The following DSCAM variants were observed in gnomAD, a reference collection of about 807,000 sequenced individuals.
The protein encoded by DSCAM is cell adhesion molecule DSCAM.
In DSCAM, 47 loss-of-function variants were observed where a neutral mutation model predicts 217.7. The ratio of observed to expected loss-of-function variants is 0.22; its 90% confidence interval spans 0.17 to 0.28. The LOEUF (loss-of-function observed/expected upper bound fraction) is 0.28, where lower values mean the gene tolerates loss of function less well. DSCAM is among the 10% of genes least tolerant of loss of function. The pLI, the probability that DSCAM is intolerant of heterozygous loss-of-function variation, is 1.00. For synonymous variants in DSCAM, 1,056 were observed against 1,015.3 expected (o/e 1.04, Z -0.76); for missense variants, 2,080 against 2,618.3 (o/e 0.79, Z 4.49).
At chr21:40,471,842 G>A (rs868832023) in intron 3 of DSCAM, among the ~76,000 whole-genome samples, 34 of 152,002 alleles carry the variant, frequency 2.2e-4, no homozygotes, top group Non-Finnish European at 1.5e-4. Context: ...TGTGCACAAT[G>A]TGCAGGTTTG....
intron 3 of DSCAM, among the ~76,000 whole-genome samples, chr21:40,526,935 A>C (rs2076405294): frequency 6.6e-6 from 1 of 152,136 alleles, no homozygotes; most frequent in Non-Finnish European, 1.5e-5. Flanking sequence ...CAGGAGGTCA[A>C]GGTGCTTCCC....
At chr21:40,282,457 A>G (rs780830727) in intron 10 of DSCAM, among the ~76,000 whole-genome samples, 8 of 151,446 alleles carry the variant, frequency 5.3e-5, no homozygotes, top group African/African-American at 1.5e-4. Flanking sequence ...CGGGCGTGGT[A>G]GCGGGCGCCT....
chr21:40,017,708 C>A (rs368834916), intron 32 of DSCAM, among the ~76,000 whole-genome samples: 1 of 152,088 alleles, frequency 6.6e-6, no homozygotes, highest in Admixed American at 6.5e-5. Context: ...TGCACCACCA[C>A]GCCTGGCTAA....
intron 7 of DSCAM, 70 bp from the exon 8 acceptor site, chr21:40,338,446 T>A: frequency 6.8e-7 from 1 of 1,462,302 alleles, no homozygotes; most frequent in Non-Finnish European, 9.2e-7. Context: ...TGGGTACACT[T>A]TTCCTTGAGT....
rs57723167 is a variant in DSCAM at position 40,510,395 on chromosome 21, A to G, written c.509-141150T>C. 2.3e-3 allele frequency among the ~76,000 whole-genome samples: 355 copies of G among 152,348 alleles called. 3 individuals carry two copies. The highest frequency in any genetic ancestry group is 8.2e-3 in the African/African-American group (340 of 41,572). On this transcript the variant is annotated intron_variant, in intron 3 of 32. Transcript: ENST00000400454. The stretch of plus-strand genomic sequence containing the variant: ...CACCTTTTAGGAATTAATATACATC[A>G]ATTTTTAAATAATAAGTTGCTCAAA...
intron 1 of DSCAM, among the ~76,000 whole-genome samples, chr21:40,797,051 T>C (rs34770583): frequency 0.088 from 13,323 of 152,256 alleles, 696 homozygotes; most frequent in African/African-American, 0.15. Context: ...CTAGTCACGC[T>C]GACCTCTTGT....
chr21:40,356,931 T>C (rs927080841), intron 4 of DSCAM, among the ~76,000 whole-genome samples: 19 of 152,230 alleles, frequency 1.2e-4, no homozygotes, highest in African/African-American at 4.6e-4. Flanking sequence ...TGGCTTTCTA[T>C]TTCTTTTGTG....
chr21:40,496,649 G>A (rs2076120793), intron 3 of DSCAM, among the ~76,000 whole-genome samples: 1 of 152,000 alleles, frequency 6.6e-6, no homozygotes. Flanking sequence ...AGACAACTAG[G>A]ATTATATCAA....
intron 1 of DSCAM, among the ~76,000 whole-genome samples, chr21:40,750,398 T>C (rs958156597): frequency 2.6e-5 from 4 of 152,240 alleles, no homozygotes; most frequent in Non-Finnish European, 4.4e-5. Context: ...AGGAATTTTC[T>C]TGCTGCTTTT....
chr21:40,670,323 G>C (rs940263146), intron 3 of DSCAM, among the ~76,000 whole-genome samples: 1 of 151,944 alleles, frequency 6.6e-6, no homozygotes, highest in Non-Finnish European at 1.5e-5. Context: ...CTGTAAATTT[G>C]ACTGCTTATC....
At chr21:40,530,854 G>A (rs73364929) in intron 3 of DSCAM, among the ~76,000 whole-genome samples, 11,250 of 150,454 alleles carry the variant, frequency 0.075, 681 homozygotes, top group African/African-American at 0.17. Context: ...ATGCCTCTTT[G>A]CCATAACATC....
At chr21:40,451,421 A>G (rs182479007) in intron 3 of DSCAM, among the ~76,000 whole-genome samples, 1 of 152,296 alleles carries the variant, frequency 6.6e-6, no homozygotes, top group Non-Finnish European at 1.5e-5. Context: ...TTGGGGTAGT[A>G]AAGAAATTTC....
At chr21:40,033,641 A>G (rs964007886) in intron 32 of DSCAM, among the ~76,000 whole-genome samples, 1 of 151,814 alleles carries the variant, frequency 6.6e-6, no homozygotes, top group Non-Finnish European at 1.5e-5. Flanking sequence ...TAAACAAAGC[A>G]GCCAGGAAGC....
At chr21:40,607,480 T>C (rs750515626) in intron 3 of DSCAM, among the ~76,000 whole-genome samples, 8 of 151,920 alleles carry the variant, frequency 5.3e-5, no homozygotes, top group South Asian at 2.1e-4. Flanking sequence ...ATTCTTTCTT[T>C]AGGGGAAAAA....
At chr21:40,061,691 G>A (rs1028697685) in intron 28 of DSCAM, among the ~76,000 whole-genome samples, 38 of 152,134 alleles carry the variant, frequency 2.5e-4, no homozygotes, top group African/African-American at 7.7e-4. Flanking sequence ...GAATCTGTGT[G>A]CCAATGGCAT....
At position 40,453,038 on chromosome 21, in the gene DSCAM, CTTTGTG is replaced by C. The variant is rs904484467; in HGVS notation, c.509-83799_509-83794del. On this transcript the variant is annotated intron_variant, in intron 3 of 32. Transcript: ENST00000400454. ...CTCTCTGGTTCCTGAATTTTAAAGACTTTGTGTGTGTGTGTGTGTGTGTGTGTGTGT... is the reference window on the plus strand; with the variant it reads ...CTCTCTGGTTCCTGAATTTTAAAGACTGTGTGTGTGTGTGTGTGTGTGTGT... Among the ~76,000 whole-genome samples, 24 of 96,266 alleles carry C rather than the reference CTTTGTG, an allele frequency of 2.5e-4. No individual in the cohort carries two copies. In the South Asian group the frequency reaches 8.4e-3, roughly 34 times the overall value. The allele number at this position is 96,266 out of a possible 152,430, so 63.2% of individuals were successfully genotyped here.
chr21:40,080,757 A>G (rs1216317695), intron 24 of DSCAM, among the ~76,000 whole-genome samples: 1 of 152,210 alleles, frequency 6.6e-6, no homozygotes, highest in African/African-American at 2.4e-5. Context: ...CAATGGGAGT[A>G]GAGATTTCTT....
At chr21:40,595,001 C>T (rs557259804) in intron 3 of DSCAM, among the ~76,000 whole-genome samples, 1 of 152,314 alleles carries the variant, frequency 6.6e-6, no homozygotes, top group East Asian at 1.9e-4. Flanking sequence ...AATAGGACAC[C>T]TTCTGAAGTC....
intron 1 of DSCAM, among the ~76,000 whole-genome samples, chr21:40,770,931 G>C (rs1172655659): frequency 1.3e-5 from 2 of 152,332 alleles, no homozygotes; most frequent in East Asian, 3.9e-4. Context: ...AGGGTGCCAA[G>C]GTGAGAAGTT....
Sources: gnomAD v4.1 joint callset for allele counts (sites outside exome capture counted in the v4.1 genomes callset) on GRCh38, gnomAD v4.1.1 for gene constraint, MANE v1.5 for transcripts, NCBI Gene and HGNC (gene_info 2026-07-23, HGNC 2026-07-21) for gene names.